ANO4: variants seen among roughly 807,000 people sequenced by gnomAD.
The protein encoded by ANO4 is anoctamin 4, also known as anoctamin-4.
A neutral mutation model predicts 141.9 loss-of-function variants in ANO4; 69 were observed. That is an observed-to-expected ratio of 0.49 (90% CI 0.40 to 0.59). The LOEUF is 0.59. Ranked by LOEUF, ANO4 falls within the 20% of genes least tolerant of loss-of-function variation. The pLI is 0.00. For missense variants in ANO4, 894 were observed against 1,162.2 expected (o/e 0.77, Z 3.36); for synonymous variants, 350 against 394.3 (o/e 0.89, Z 1.33).
chr12:100,857,113 A>T (rs1242847890), intron 1 of ANO4, among the ~76,000 whole-genome samples: 1 of 152,144 alleles, frequency 6.6e-6, no homozygotes, highest in Non-Finnish European at 1.5e-5. Context: ...ATGGAGACTC[A>T]AATGTTCCTG....
chr12:101,039,140 A>G (rs553466380), intron 10 of ANO4: 1 of 152,280 alleles, frequency 6.6e-6, no homozygotes, highest in African/African-American at 2.4e-5. Flanking sequence ...TACATTCTAG[A>G]ATTTTCTTGT....
At chr12:101,115,877 A>G (rs2050831831) in intron 24 of ANO4, among the ~76,000 whole-genome samples, 1 of 152,174 alleles carries the variant, frequency 6.6e-6, no homozygotes, top group African/African-American at 2.4e-5. Context: ...GGATTCCTAC[A>G]CTGCACAAGA....
At chr12:101,017,462 A>G (rs1391703823) in intron 8 of ANO4, among the ~76,000 whole-genome samples, 1 of 152,212 alleles carries the variant, frequency 6.6e-6, no homozygotes, top group African/African-American at 2.4e-5. Context: ...GAGTGAGGGC[A>G]TGGAAGTCAA....
chr12:101,032,813 A>G (rs2047029882), intron 9 of ANO4, among the ~76,000 whole-genome samples: 1 of 151,508 alleles, frequency 6.6e-6, no homozygotes, highest in South Asian at 2.1e-4. Context: ...AAAAGTCAGG[A>G]AACAACAGGT....
At chr12:101,051,625 T>A (rs1035601216) in intron 14 of ANO4, among the ~76,000 whole-genome samples, 1 of 152,198 alleles carries the variant, frequency 6.6e-6, no homozygotes, top group African/African-American at 2.4e-5. Flanking sequence ...CTAAATGCAG[T>A]CCTAAGCATT....
chr12:101,124,014 C>A (rs2051203912), intron 26 of ANO4, among the ~76,000 whole-genome samples: 1 of 152,044 alleles, frequency 6.6e-6, no homozygotes, highest in Admixed American at 6.6e-5. Flanking sequence ...AATGGTATTT[C>A]TGCTTGTAAA....
intron 25 of ANO4, among the ~76,000 whole-genome samples, chr12:101,117,165 C>T (rs2050887608): frequency 1.3e-5 from 2 of 152,210 alleles, no homozygotes; most frequent in African/African-American, 4.8e-5. Context: ...CTTTGTTCTG[C>T]TTCTCTCTCT....
intron 8 of ANO4, among the ~76,000 whole-genome samples, chr12:100,992,687 A>G (rs2045194312): frequency 1.3e-5 from 2 of 152,056 alleles, no homozygotes; most frequent in African/African-American, 4.8e-5. Context: ...TAAATGGTAT[A>G]CTCTGTGGAG....
intron 1 of ANO4, 48 bp from the exon 2 acceptor site, chr12:100,901,598 C>G: frequency 1.5e-6 from 1 of 659,122 alleles, no homozygotes; most frequent in Non-Finnish European, 2.8e-6. Flanking sequence ...GCCTTTTAGC[C>G]ATTCTGAAGT....
chr12:100,721,902 A>G (rs1405431065), intron 1 of ANO4, among the ~76,000 whole-genome samples: 2 of 143,440 alleles, frequency 1.4e-5, no homozygotes, highest in African/African-American at 2.6e-5. Flanking sequence ...TATGTTTCCT[A>G]GGCTGGTCTT....
chr12:100,878,866 A>G (rs7302139), intron 1 of ANO4, among the ~76,000 whole-genome samples: 29,321 of 152,116 alleles, frequency 0.19, 3,358 homozygotes, highest in Middle Eastern at 0.35. Context: ...TCAATGATGC[A>G]TGTTCTGATT....
rs1265538774 is a variant in ANO4, at chr12:101,083,965, G to A, written c.1536+147G>A. 1.0e-5 allele frequency: 8 copies of A among 774,508 alleles called. No homozygotes were observed. In the African/African-American group the frequency reaches 1.5e-4, roughly 14 times the overall value. The allele number at this position is 774,508 out of a possible 1,614,324, so 48.0% of individuals were successfully genotyped here. On this transcript the variant is annotated intron_variant, in intron 16 of 27. Coordinates refer to ENST00000392977, the MANE Select transcript of ANO4 (RefSeq NM_001286615.2). ...CACAGTAACTTCGTCTGGTGGTCAG[G>A]GATGGTATTGCTATCCCCATATTAC... is the stretch of plus-strand genomic sequence containing the variant.
At chr12:100,902,270 A>G (rs1018426077) in intron 2 of ANO4, among the ~76,000 whole-genome samples, 2 of 152,210 alleles carry the variant, frequency 1.3e-5, no homozygotes, top group African/African-American at 4.8e-5. Context: ...TCCTGAGATC[A>G]GGAGAGAAGA....
At chr12:100,738,257 A>G (rs957616954) in intron 2 of ANO4, among the ~76,000 whole-genome samples, 9 of 152,140 alleles carry the variant, frequency 5.9e-5, no homozygotes, top group African/African-American at 9.7e-5. Context: ...AATGCTGCCA[A>G]TGTGACATTT....
intron 9 of ANO4, among the ~76,000 whole-genome samples, chr12:101,031,477 A>G (rs1397709299): frequency 9.9e-5 from 15 of 152,206 alleles, no homozygotes; most frequent in Admixed American, 9.8e-4. Flanking sequence ...CCAATATTAT[A>G]TTGAATGGGC....
intron 25 of ANO4, among the ~76,000 whole-genome samples, chr12:101,118,754 C>T (rs532275532): frequency 6.6e-6 from 1 of 152,090 alleles, no homozygotes; most frequent in Admixed American, 6.5e-5. Flanking sequence ...TTCTAGAGTA[C>T]ATGTGCACAG....
chr12:101,008,427 A>G (rs1269701312), intron 8 of ANO4, among the ~76,000 whole-genome samples: 2 of 152,168 alleles, frequency 1.3e-5, no homozygotes, highest in East Asian at 1.9e-4. Flanking sequence ...TACTTCCCCC[A>G]TAGAGAATAA....
chr12:101,093,637 A>G (rs921692110), intron 17 of ANO4, among the ~76,000 whole-genome samples: 11 of 152,094 alleles, frequency 7.2e-5, no homozygotes, highest in Non-Finnish European at 1.3e-4. Flanking sequence ...ACACGCACAC[A>G]CAAACACACA....
At chr12:100,960,263 C>T (rs2043357708) in intron 5 of ANO4, among the ~76,000 whole-genome samples, 1 of 151,422 alleles carries the variant, frequency 6.6e-6, no homozygotes, top group East Asian at 1.9e-4. Context: ...CACACACGCA[C>T]ACACACACAC....
Sources: gnomAD v4.1 joint callset for allele counts (sites outside exome capture counted in the v4.1 genomes callset) on GRCh38, gnomAD v4.1.1 for gene constraint, MANE v1.5 for transcripts, NCBI Gene and HGNC (gene_info 2026-07-23, HGNC 2026-07-21) for gene names.